SMIM22: variants seen among roughly 807,000 people sequenced by gnomAD.
The protein encoded by SMIM22 is small integral membrane protein 22.
In SMIM22, 16 loss-of-function variants were observed where a neutral mutation model predicts 8.4. That is an observed-to-expected ratio of 1.90 (90% confidence interval 1.29 to 2.89). The LOEUF is 2.89. SMIM22 is among the 30% of genes most tolerant of loss of function. The pLI is 0.00. For missense variants in SMIM22, 159 were observed against 107.5 expected (o/e 1.48, Z -2.12); for synonymous variants, 67 against 47.6 (o/e 1.41, Z -1.68).
intron 2 of SMIM22, among the ~76,000 whole-genome samples, chr16:4,790,363 A>C (rs973571961): frequency 2.0e-5 from 3 of 152,228 alleles, no homozygotes; most frequent in Admixed American, 6.5e-5. Flanking sequence ...TATTCACAGA[A>C]GAAAGGTGGC....
chr16:4,796,043 T>A lies in SMIM22; in HGVS notation c.220T>A (p.Trp74Arg). 2.6e-6 allele frequency: 4 copies of A among 1,529,892 alleles called. No individual in the cohort carries two copies. Among genetic ancestry groups the A allele is most frequent in the Non-Finnish European group, 3.5e-6 (4 of 1,142,746 alleles). 94.8% of individuals were successfully genotyped at this position (1,529,892 alleles called of 1,614,324 possible). ...GGAAAGCCCCAGGAAGGTGAGCCCC[T>A]GGAAGGTGAGCCCTGCCGGCCTCTG... ...RRESPRKVSPWKERPKGVDNL... is the reference protein window; with the variant it reads ...RRESPRKVSPRKERPKGVDNL... The change falls in exon 3 of 4, where the codon TGG becomes AGG. Residue 74 changes from tryptophan (W) to arginine (R), a missense_variant. By Grantham distance (101) the Trp-to-Arg change is moderately radical. Transcript: ENST00000586005.
chr16:4,792,751 G>A (rs866673836), upstream of SMIM22, among the ~76,000 whole-genome samples: 3 of 145,252 alleles, frequency 2.1e-5, no homozygotes, highest in Non-Finnish European at 4.5e-5. Flanking sequence ...GCAGTGAGCC[G>A]ACATCGTGCC....
At chr16:4,789,430 G>A (rs1163267763) in intron 2 of SMIM22, among the ~76,000 whole-genome samples, 8 of 151,250 alleles carry the variant, frequency 5.3e-5, no homozygotes, top group African/African-American at 1.9e-4. Flanking sequence ...GGTTCACGCC[G>A]CTCTCCTGCC....
At position 4,796,000 on chromosome 16, in the gene SMIM22, C is replaced by T; in HGVS notation, c.177C>T (p.Ser59=). The change falls in exon 3 of 4, where the codon AGC becomes AGT. Residue 59 remains serine, a synonymous_variant. Transcript: ENST00000586005. Reference sequence around the variant, plus strand: ...TCGTCGCCCACTGCTGCTGCTGCAGCTCCCCCGGGCCCCGCAGGGAAAGCC... The same window carrying T: ...TCGTCGCCCACTGCTGCTGCTGCAGTTCCCCCGGGCCCCGCAGGGAAAGCC... The part of the protein sequence containing the change: ...LLVVAHCCCC[S]SPGPRRESPR... 1.3e-6 allele frequency: 2 copies of T among 1,508,546 alleles called. No individual in the cohort carries two copies. The highest frequency in any genetic ancestry group is 2.5e-5 in the East Asian group (1 of 40,704). The allele number at this position is 1,508,546 out of a possible 1,614,324, so 93.4% of individuals were successfully genotyped here.
chr16:4,792,760 C>T (rs2082571526), upstream of SMIM22, among the ~76,000 whole-genome samples: 1 of 149,568 alleles, frequency 6.7e-6, no homozygotes, highest in African/African-American at 2.5e-5. Flanking sequence ...CGACATCGTG[C>T]CATTGCACTC....
At chr16:4,791,485 G>C (rs1171080036), upstream of SMIM22, among the ~76,000 whole-genome samples, 1 of 152,134 alleles carries the variant, frequency 6.6e-6, no homozygotes, top group African/African-American at 2.4e-5. Context: ...GGAGGAGGTG[G>C]ATACTATTAA....
chr16:4,788,702 C>G (rs906433894), intron 1 of SMIM22: 1 of 152,202 alleles, frequency 6.6e-6, no homozygotes, highest in Non-Finnish European at 1.5e-5. Flanking sequence ...TTACCCAGTC[C>G]TGACTCTGCA....
Position 4,796,327 on chromosome 16 carries a change from C to A in SMIM22, c.*96C>A. The A allele has an allele frequency of 1.4e-6, 2 of 1,424,214 alleles. No individual in the cohort carries two copies. Among genetic ancestry groups the A allele is most frequent in the Non-Finnish European group, 1.9e-6 (2 of 1,061,460 alleles). The allele number at this position is 1,424,214 out of a possible 1,614,324, so 88.2% of individuals were successfully genotyped here. On this transcript the variant is annotated 3_prime_UTR_variant, in exon 4 of 4. Coordinates refer to ENST00000586005, the MANE Select transcript of SMIM22 (RefSeq NM_001253794.2). ...CCAGTCCCCGTCTGGGTGGGTGACG[C>A]GGGACTCGCCGCCCCACTCAGGTGG...
chr16:4,795,660 G>T, intron 1 of SMIM22, 55 bp from the exon 2 acceptor site: 1 of 1,505,576 alleles, frequency 6.6e-7, no homozygotes, highest in South Asian at 1.3e-5. Flanking sequence ...CCTGGATGTG[G>T]TCCCCGCTGA....
In SMIM22 at chr16:4,796,444, G is replaced by A. The variant is rs373556979; in HGVS notation, c.*213G>A. 158 of 609,370 alleles carry A rather than the reference G, an allele frequency of 2.6e-4. 1 individual carries two copies. Among genetic ancestry groups the A allele is most frequent in the South Asian group, 1.6e-3 (80 of 50,886 alleles). The allele number at this position is 609,370 out of a possible 1,614,324, so 37.7% of individuals were successfully genotyped here. A position where few individuals can be genotyped will look rare whatever the true frequency, so the allele number is the denominator to read the frequency against. Reference sequence around the variant, plus strand: ...GAGGGGAGCTGGTCTCAGGCCGGGCGCGGTGGCTCACACCTATAATCCCAG... The same window carrying A: ...GAGGGGAGCTGGTCTCAGGCCGGGCACGGTGGCTCACACCTATAATCCCAG... On this transcript the variant is annotated 3_prime_UTR_variant, in exon 4 of 4. Transcript: ENST00000586005.
upstream of SMIM22, among the ~76,000 whole-genome samples, chr16:4,790,916 C>G (rs2082541071): frequency 6.6e-6 from 1 of 152,196 alleles, no homozygotes; most frequent in South Asian, 2.1e-4. Flanking sequence ...AGTTTGTTGT[C>G]CAAGGTGAAA....
intron 2 of SMIM22, among the ~76,000 whole-genome samples, chr16:4,789,733 A>G (rs561643986): frequency 7.0e-4 from 107 of 151,930 alleles, no homozygotes; most frequent in Non-Finnish European, 1.4e-3. Context: ...TGCTGAGATT[A>G]CAGACGTGAA....
chr16:4,795,889 C>T (rs574042221), intron 2 of SMIM22, 31 bp downstream of exon 2: 1 of 1,533,744 alleles, frequency 6.5e-7, no homozygotes, highest in Non-Finnish European at 8.7e-7. Context: ...TGGGTCCTCC[C>T]AGCCCCCTGC....
At chr16:4,793,642 C>T (rs2082588630), upstream of SMIM22, among the ~76,000 whole-genome samples, 2 of 152,196 alleles carry the variant, frequency 1.3e-5, no homozygotes, top group African/African-American at 4.8e-5. Flanking sequence ...ACATCTGTGG[C>T]TTCAGCCAAC....
chr16:4,793,700 T>A (rs763845848), upstream of SMIM22, among the ~76,000 whole-genome samples: 1 of 152,222 alleles, frequency 6.6e-6, no homozygotes, highest in Non-Finnish European at 1.5e-5. Context: ...ATTGGACATG[T>A]ACAGACTTTT....
upstream of SMIM22, among the ~76,000 whole-genome samples, chr16:4,792,204 T>G (rs2082561099): frequency 6.6e-6 from 1 of 151,484 alleles, no homozygotes; most frequent in Non-Finnish European, 1.5e-5. Context: ...CTTTTCTTTT[T>G]TTTTGAGACA....
Position 4,795,809 on chromosome 16 carries a change from C to T in SMIM22, c.75C>T (p.Phe25=), listed in dbSNP as rs1264150717. 6.5e-7 allele frequency: 1 copy of T among 1,535,998 alleles called. No individual in the cohort carries two copies. Among genetic ancestry groups the T allele is most frequent in the Non-Finnish European group, 8.7e-7 (1 of 1,146,814 alleles). The change falls in exon 2 of 4, where the codon TTC becomes TTT. Residue 25 remains phenylalanine, a synonymous_variant. Coordinates refer to ENST00000586005, the MANE Select transcript of SMIM22 (RefSeq NM_001253794.2). ...GGAGACTGAAGAGCCACCAGTTTTT[C>T]CAGTCCACATGGGACACTGTTGCCT... ...VLGRLKSHQF[F]QSTWDTVAFI...
chr16:4,792,513 G>A (rs2082567663), upstream of SMIM22, among the ~76,000 whole-genome samples: 1 of 146,726 alleles, frequency 6.8e-6, no homozygotes, highest in Non-Finnish European at 1.5e-5. Context: ...TTAAATAGAA[G>A]TATGTCTGCT....
At chr16:4,793,657 G>T (rs1224832806), upstream of SMIM22, among the ~76,000 whole-genome samples, 1 of 152,174 alleles carries the variant, frequency 6.6e-6, no homozygotes, top group Non-Finnish European at 1.5e-5. Flanking sequence ...GCCAACCACA[G>T]ACAGAAAATA....
Sources: gnomAD v4.1 joint callset for allele counts (sites outside exome capture counted in the v4.1 genomes callset) on GRCh38, gnomAD v4.1.1 for gene constraint, MANE v1.5 for transcripts, NCBI Gene and HGNC (gene_info 2026-07-23, HGNC 2026-07-21) for gene names.